Variants in PRRC2B observed in about 807,000 individuals in gnomAD.
The protein encoded by PRRC2B is protein PRRC2B.
In PRRC2B, 68 loss-of-function variants were observed where a neutral mutation model predicts 242.3. The observed-to-expected ratio is 0.28, with a 90% confidence interval of 0.23 to 0.34. The LOEUF (loss-of-function observed/expected upper bound fraction) is 0.34, where lower values mean the gene tolerates loss of function less well. PRRC2B is among the 10% of genes least tolerant of loss of function. The pLI is 1.00. For synonymous variants in PRRC2B, 1,228 were observed against 1,173.6 expected (o/e 1.05, Z -0.95); for missense variants, 2,835 against 2,954.8 (o/e 0.96, Z 0.94).
upstream of PRRC2B, among the ~76,000 whole-genome samples, chr9:131,392,157 G>A (rs1836909991): frequency 6.6e-6 from 1 of 150,618 alleles, no homozygotes. Context: ...GGAGTGCAGT[G>A]GCATGATCTC....
At chr9:131,414,508 A>G (rs1419876981) in intron 1 of PRRC2B, among the ~76,000 whole-genome samples, 1 of 149,894 alleles carries the variant, frequency 6.7e-6, no homozygotes, top group Admixed American at 6.7e-5. Flanking sequence ...TTCCTCCAGA[A>G]GCCTCTATCC....
At chr9:131,453,653 T>G (rs1175002692) in intron 9 of PRRC2B, among the ~76,000 whole-genome samples, 1 of 152,158 alleles carries the variant, frequency 6.6e-6, no homozygotes, top group Non-Finnish European at 1.5e-5. Context: ...CACCTCAGCC[T>G]CCGGAGTAGC....
intron 1 of PRRC2B, among the ~76,000 whole-genome samples, chr9:131,375,803 C>T (rs994911089): frequency 2.6e-5 from 4 of 151,770 alleles, no homozygotes; most frequent in Admixed American, 6.6e-5. Flanking sequence ...CCTAGGTGGG[C>T]GGATCACCTG....
chr9:131,479,411 G>T lies in PRRC2B; in HGVS notation c.4900+18G>T. ...CAGCCAGGGTGAGAGTTGGGGGTGT[G>T]ACCCCAGCTGTGGCACCCAAGGTCA... On this transcript the variant is annotated intron_variant, in intron 19 of 31. Transcript: ENST00000683519. 6.2e-7 allele frequency: 1 copy of T among 1,609,726 alleles called. No individual in the cohort carries two copies. Among genetic ancestry groups the T allele is most frequent in the Non-Finnish European group, 8.5e-7 (1 of 1,178,208 alleles).
Position 131,378,825 on chromosome 9 carries a change from T to C in PRRC2B, c.-56+5094T>C, listed in dbSNP as rs777372170. On this transcript the variant is annotated intron_variant, in intron 1 of 1. Transcript: ENST00000682525. ...AAACTGCCTCCCATGTTTAAGTGAT[T>C]CTCCTGCGTCAGCCTCCTGAGTAGC... Among the ~76,000 whole-genome samples, 21 of 152,096 alleles carry C rather than the reference T, an allele frequency of 1.4e-4. 1 individual carries two copies. The highest frequency in any genetic ancestry group is 1.3e-3 in the Admixed American group (20 of 15,244).
chr9:131,390,631 C>T (rs901042530), upstream of PRRC2B, among the ~76,000 whole-genome samples: 12 of 148,492 alleles, frequency 8.1e-5, no homozygotes, highest in Middle Eastern at 3.5e-3. Flanking sequence ...TATAGGCGCC[C>T]GCCACCACGC....
At chr9:131,432,163 C>G (rs1270301093) in intron 2 of PRRC2B, among the ~76,000 whole-genome samples, 1 of 152,120 alleles carries the variant, frequency 6.6e-6, no homozygotes, top group Non-Finnish European at 1.5e-5. Context: ...CTTGTTGATC[C>G]TTTTCACACC....
intron 22 of PRRC2B, 138 bp downstream of exon 22, chr9:131,483,045 G>A (rs1206789291): frequency 9.6e-7 from 1 of 1,046,806 alleles, no homozygotes; most frequent in Non-Finnish European, 1.4e-6. Context: ...CGGCTAGAGT[G>A]TTGGTGTGGA....
At chr9:131,435,753 AGATCC>A (rs1838343352) in intron 3 of PRRC2B, among the ~76,000 whole-genome samples, 1 of 152,214 alleles carries the variant, frequency 6.6e-6, no homozygotes, top group Admixed American at 6.5e-5. Flanking sequence ...AGCAAAAGGA[AGATCC>A]GTTTCTATGT....
At chr9:131,444,383 ATC>A in intron 6 of PRRC2B, 55 bp downstream of exon 6, 12 of 1,569,652 alleles carry the variant, frequency 7.6e-6, no homozygotes, top group Non-Finnish European at 1.0e-5. Context: ...TCCTCCTCTC[ATC>A]TCTCTGCACT....
chr9:131,460,080 T>G (rs996311624), intron 11 of PRRC2B, among the ~76,000 whole-genome samples: 52 of 151,966 alleles, frequency 3.4e-4, no homozygotes, highest in African/African-American at 1.2e-3. Flanking sequence ...GATTGAACAG[T>G]AAGTTGACAA....
intron 1 of PRRC2B, among the ~76,000 whole-genome samples, chr9:131,404,410 C>T (rs944828939): frequency 3.8e-4 from 57 of 151,936 alleles, no homozygotes; most frequent in Admixed American, 1.6e-3. Context: ...TTAATAAAGA[C>T]GAGATTTCAC....
rs1459297900 is a variant in PRRC2B at position 131,482,343 on chromosome 9, G to A, written c.4984-28G>A. ...TGGATAATCGAGTTGGGAGTTTGAG[G>A]CTATAACCCATTTTGTGCTCTGCAC... On this transcript the variant is annotated intron_variant, in intron 20 of 31. Transcript: ENST00000683519. The surrounding 1 kb of genome is among the most constrained non-coding windows in gnomAD (Gnocchi z 5.2). The A allele has an allele frequency of 6.5e-7, 1 of 1,534,984 alleles. No homozygotes were observed. The highest frequency in any genetic ancestry group is 8.8e-7 in the Non-Finnish European group (1 of 1,137,072).
intron 4 of PRRC2B, 43 bp from the exon 5 acceptor site, chr9:131,438,946 A>C (rs1427393051): frequency 1.3e-6 from 2 of 1,486,572 alleles, no homozygotes; most frequent in Admixed American, 1.8e-5. Flanking sequence ...TGTACAGTGG[A>C]ATAAGGGAGC....
At chr9:131,470,431 T>C (rs1028521092) in intron 13 of PRRC2B, among the ~76,000 whole-genome samples, 1 of 152,050 alleles carries the variant, frequency 6.6e-6, no homozygotes, top group Non-Finnish European at 1.5e-5. Context: ...AGATGGTAGC[T>C]GCAGACAAGG....
intron 19 of PRRC2B, among the ~76,000 whole-genome samples, 168 bp from the exon 20 acceptor site, chr9:131,481,558 C>CA (rs549882606): frequency 1.2e-3 from 183 of 151,512 alleles, no homozygotes; most frequent in African/African-American, 4.4e-3. Context: ...TCTTCCACGT[C>CA]AGAGCCGTTC....
At chr9:131,400,433 C>G (rs1364918875) in intron 1 of PRRC2B, among the ~76,000 whole-genome samples, 2 of 152,070 alleles carry the variant, frequency 1.3e-5, no homozygotes, top group African/African-American at 4.8e-5. Flanking sequence ...ATTCTCGTGC[C>G]TCAGCCTTCG....
chr9:131,481,311 CAAAAAAAAAAAA>C (rs11404767), intron 19 of PRRC2B, among the ~76,000 whole-genome samples: 2 of 79,260 alleles, frequency 2.5e-5, no homozygotes, highest in Admixed American at 3.4e-4. Context: ...ACTCCGTCTC[CAAAAAAAAAAAA>C]AAAAAAAAAG....
At chr9:131,433,422 A>G (rs149265180) in intron 3 of PRRC2B, among the ~76,000 whole-genome samples, 389 of 152,330 alleles carry the variant, frequency 2.6e-3, no homozygotes, top group Non-Finnish European at 4.2e-3. Flanking sequence ...GGTGCTGTCA[A>G]TCAGAGAAAC....
Sources: gnomAD v4.1 joint callset for allele counts (sites outside exome capture counted in the v4.1 genomes callset) on GRCh38, gnomAD v4.1.1 for gene constraint, Gnocchi (gnomAD v3.1) non-coding constraint, MANE v1.5 for transcripts, NCBI Gene and HGNC (gene_info 2026-07-23, HGNC 2026-07-21) for gene names.